The following KMT2C variants were observed in gnomAD, a reference collection of about 807,000 sequenced individuals.
KMT2C encodes the protein histone-lysine N-methyltransferase 2C.
KMT2C carries 88 observed loss-of-function variants against 507.9 expected under a neutral mutation model. The ratio of observed to expected loss-of-function variants is 0.17; its 90% CI spans 0.15 to 0.21. The LOEUF (loss-of-function observed/expected upper bound fraction) is 0.21. KMT2C is among the 10% of genes least tolerant of loss of function. KMT2C has a pLI of 1.00. For synonymous variants in KMT2C, 2,049 were observed against 2,080.8 expected, an observed-to-expected ratio of 0.98 and a Z score of 0.42; for missense variants, 4,954 against 5,957.8, an observed-to-expected ratio of 0.83 and a Z score of 5.55.
At position 152,183,101 on chromosome 7, in the gene KMT2C, T is replaced by C. The variant is rs2093487658; in HGVS notation, c.5138A>G (p.Asn1713Ser). 1 of 1,612,944 alleles carries C rather than the reference T, an allele frequency of 6.2e-7. No individual in the cohort carries two copies. Among genetic ancestry groups the C allele is most frequent in the Non-Finnish European group, 8.5e-7 (1 of 1,179,636 alleles). The change falls in exon 35 of 59, where the codon AAT becomes AGT. Residue 1713 changes from asparagine (N) to serine (S), a missense_variant. Physicochemically the swap from Asn to Ser is conservative, Grantham distance 46. Around this residue, in one of 29 missense-constraint regions of KMT2C, gnomAD observed 58 missense variants for 63.3 expected, o/e 0.92. Coordinates refer to ENST00000262189, the MANE Select transcript of KMT2C (RefSeq NM_170606.3). ...ALRINKVQMS[N>S]DSMKRQQQQD... Reference sequence around the variant, plus strand: ...CTGTTGCTGCCTTTTCATGGAATCATTTGACATCTGTACTTTATTAATGCG... The same window carrying C: ...CTGTTGCTGCCTTTTCATGGAATCACTTGACATCTGTACTTTATTAATGCG...
At chr7:152,301,195 C>A (rs1438442715) in intron 6 of KMT2C, among the ~76,000 whole-genome samples, 1 of 105,450 alleles carries the variant, frequency 9.5e-6, no homozygotes, top group Non-Finnish European at 1.8e-5. Flanking sequence ...GACCCTGTCT[C>A]CTAAAAAAAA....
At chr7:152,147,729 GAAAAAGA>G (rs2091276943) in intron 52 of KMT2C, among the ~76,000 whole-genome samples, 1 of 114,702 alleles carries the variant, frequency 8.7e-6, no homozygotes, top group African/African-American at 3.9e-5. Context: ...AAAAAAAAAA[GAAAAAGA>G]AAAAGAAAAA....
rs141944561 is a variant in KMT2C, at chr7:152,301,558, G to C, written c.849+8408C>G. 2.2e-4 allele frequency among the ~76,000 whole-genome samples: 34 copies of C among 152,110 alleles called. No individual in the cohort carries two copies. The East Asian group carries it at 6.6e-3, about 29-fold the overall frequency. ...AAAAGTTAGCCAGGTGTGGTGGCAT[G>C]CATTTGTGATCCCAGCTACTCTAAA... is the stretch of plus-strand genomic sequence containing the variant. On this transcript the variant is annotated intron_variant, in intron 6 of 58. Coordinates refer to ENST00000262189, the MANE Select transcript of KMT2C (RefSeq NM_170606.3).
intron 1 of KMT2C, among the ~76,000 whole-genome samples, chr7:152,391,404 G>A (rs184003590): frequency 8.3e-4 from 126 of 151,622 alleles, no homozygotes; most frequent in African/African-American, 2.9e-3. Context: ...ACCACGCCTA[G>A]CTAGTTTTTG....
chr7:152,216,310 T>A (rs1178793526), intron 23 of KMT2C, among the ~76,000 whole-genome samples: 1 of 152,200 alleles, frequency 6.6e-6, no homozygotes, highest in Non-Finnish European at 1.5e-5. Flanking sequence ...AATTTGTTTC[T>A]GATACACCAA....
intron 1 of KMT2C, among the ~76,000 whole-genome samples, chr7:152,361,271 T>C (rs1423600683): frequency 6.6e-6 from 1 of 152,086 alleles, no homozygotes; most frequent in Non-Finnish European, 1.5e-5. Context: ...ATTAAGTAGT[T>C]GTTTTTAGGC....
chr7:152,154,310 C>A lies in KMT2C; in HGVS notation c.12096G>T (p.Val4032=), dbSNP rs1427038251. 1.9e-6 allele frequency: 3 copies of A among 1,614,184 alleles called. No individual in the cohort carries two copies. The highest frequency in any genetic ancestry group is 1.6e-4 in the Middle Eastern group (1 of 6,062). ...SLVKEEPPEP[V]PSPIIPILPS... is the part of the protein sequence containing the mutation. ...GAAGAATTGGAATGATGGGGGACGG[C>A]ACCGGTTCTGGAGGCTCCTCCTTGA... The change falls in exon 47 of 59, where the codon GTG becomes GTT. Residue 4032 remains valine, a synonymous_variant. Transcript: ENST00000262189.
chr7:152,396,946 T>C (rs886834198), intron 1 of KMT2C, among the ~76,000 whole-genome samples: 15 of 152,208 alleles, frequency 9.9e-5, no homozygotes, highest in African/African-American at 3.1e-4. Context: ...AGTACAAGGA[T>C]ATTCCTTACA....
intron 1 of KMT2C, chr7:152,368,684 C>A (rs1365835752): frequency 2.0e-5 from 29 of 1,422,844 alleles, no homozygotes; most frequent in Non-Finnish European, 6.8e-6. Context: ...CCACCAGTTA[C>A]GTATTAGTTG....
intron 1 of KMT2C, among the ~76,000 whole-genome samples, chr7:152,384,609 CACCACG>C (rs2097406856): frequency 1.3e-5 from 2 of 150,814 alleles, no homozygotes; most frequent in African/African-American, 2.4e-5. Flanking sequence ...CCACCACCAC[CACCACG>C]CTGCACTGAT....
chr7:152,321,555 T>C (rs2096773405), intron 3 of KMT2C, among the ~76,000 whole-genome samples: 1 of 151,710 alleles, frequency 6.6e-6, no homozygotes. Context: ...TTAGAACTAA[T>C]AAACAAATTT....
At chr7:152,367,803 C>T in intron 1 of KMT2C, 1 of 932,346 alleles carries the variant, frequency 1.1e-6, no homozygotes, top group Admixed American at 1.7e-5. Context: ...GAACAGACGT[C>T]AGATGCCTAA....
rs2129120364 is a variant in KMT2C at position 152,181,801 on chromosome 7, T to C, written c.6059A>G (p.Gln2020Arg). ...TCGTGCATATGAGTCAGGTATCCTT[T>C]GTCTTTGAAACACATCTGCCCTAGG... The part of the protein sequence containing the change: ...PSPRADVFQR[Q>R]RIPDSYARPL... Residue 2020 changes from glutamine to arginine, a missense_variant, in exon 36 of 59, where the codon CAA (glutamine) becomes CGA (arginine). Physicochemically the swap from Gln to Arg is conservative, Grantham distance 43. Transcript: ENST00000262189. The C allele has an allele frequency of 1.2e-6, 2 of 1,614,168 alleles. No individual in the cohort carries two copies. Among genetic ancestry groups the C allele is most frequent in the Non-Finnish European group, 8.5e-7 (1 of 1,180,032 alleles).
intron 1 of KMT2C, among the ~76,000 whole-genome samples, chr7:152,399,427 A>G (rs928938011): frequency 6.6e-6 from 1 of 152,222 alleles, no homozygotes; most frequent in African/African-American, 2.4e-5. Context: ...CTTCTAAAGT[A>G]AAGAAACTGG....
chr7:152,313,705 T>C (rs2096695746), intron 4 of KMT2C, among the ~76,000 whole-genome samples: 1 of 152,166 alleles, frequency 6.6e-6, no homozygotes, highest in South Asian at 2.1e-4. Context: ...CTAAATTAAT[T>C]GCCTACCCTT....
chr7:152,394,050 T>C (rs1222730709), intron 1 of KMT2C, among the ~76,000 whole-genome samples: 3 of 152,230 alleles, frequency 2.0e-5, no homozygotes, highest in Admixed American at 6.5e-5. Context: ...ACATGCCACA[T>C]CCCTCAACAA....
chr7:152,274,840 C>T (rs888342833), intron 6 of KMT2C, among the ~76,000 whole-genome samples: 14 of 152,192 alleles, frequency 9.2e-5, no homozygotes, highest in African/African-American at 2.7e-4. Flanking sequence ...TCAATTGAGG[C>T]ACCATACTAT....
At chr7:152,214,515 A>G (rs2094525891) in intron 23 of KMT2C, among the ~76,000 whole-genome samples, 1 of 152,198 alleles carries the variant, frequency 6.6e-6, no homozygotes. Context: ...GGCATAATGC[A>G]AAATGAAAAA....
chr7:152,359,156 A>AT (rs36050123), intron 1 of KMT2C, among the ~76,000 whole-genome samples: 3,077 of 152,274 alleles, frequency 0.02, 71 homozygotes, highest in South Asian at 0.089. Context: ...AAAAAACAAA[A>AT]TTTTAAAAAT....
Sources: gnomAD v4.1 joint callset for allele counts (sites outside exome capture counted in the v4.1 genomes callset) on GRCh38, gnomAD v4.1.1 for gene constraint, gnomAD v4.1.1 regional missense constraint, MANE v1.5 for transcripts, NCBI Gene and HGNC (gene_info 2026-07-23, HGNC 2026-07-21) for gene names.